Variants in LATS1 observed in about 807,000 individuals in gnomAD.
The protein encoded by LATS1 is serine/threonine-protein kinase LATS1.
Under a neutral mutation model 106.6 loss-of-function variants are expected in LATS1, and 25 were observed. The ratio of observed to expected loss-of-function variants is 0.23; its 90% CI spans 0.17 to 0.33. LATS1 has a LOEUF of 0.33. LATS1 is among the 10% of genes least tolerant of loss of function. The pLI, the probability that LATS1 is intolerant of heterozygous loss-of-function variation, is 1.00. For missense variants in LATS1, 1,040 were observed against 1,382.6 expected (o/e 0.75, Z 3.93); for synonymous variants, 465 against 455.6 (o/e 1.02, Z -0.26).
chr6:149,667,607 A>G (rs1781226665), intron 7 of LATS1, among the ~76,000 whole-genome samples: 2 of 152,202 alleles, frequency 1.3e-5, no homozygotes, highest in South Asian at 4.1e-4. Context: ...TTAACATCAC[A>G]AAAGAAAATG....
rs1780848183 is a variant in LATS1 at position 149,660,589 on chromosome 6, TA to T, written c.*1139del. ...CTACATGTATTTTGGTATGAAACCTTAATCTTCCTTAGAACCTAAGCGTTAT... is the reference window on the plus strand; with the variant it reads ...CTACATGTATTTTGGTATGAAACCTTATCTTCCTTAGAACCTAAGCGTTAT... On this transcript the variant is annotated 3_prime_UTR_variant, in exon 8 of 8. Coordinates refer to ENST00000543571, the MANE Select transcript of LATS1 (RefSeq NM_004690.4). The T allele has an allele frequency of 4.3e-6, 1 of 232,568 alleles. No individual in the cohort carries two copies. Among genetic ancestry groups the T allele is most frequent in the Non-Finnish European group, 8.5e-6 (1 of 117,732 alleles). The allele number at this position is 232,568 out of a possible 1,614,324, so 14.4% of individuals were successfully genotyped here.
intron 5 of LATS1, among the ~76,000 whole-genome samples, chr6:149,678,470 C>T (rs1476098824): frequency 3.3e-5 from 5 of 152,298 alleles, no homozygotes; most frequent in African/African-American, 9.6e-5. Flanking sequence ...GGTAATAATT[C>T]AGTCGAATCT....
intron 3 of LATS1, among the ~76,000 whole-genome samples, chr6:149,692,974 A>G (rs1782852629): frequency 6.6e-6 from 1 of 151,822 alleles, no homozygotes; most frequent in East Asian, 2.0e-4. Context: ...GCACCAGGAC[A>G]CAAAGACAGG....
chr6:149,664,932 T>C (rs1367717238), intron 7 of LATS1, among the ~76,000 whole-genome samples: 2 of 152,106 alleles, frequency 1.3e-5, no homozygotes, highest in African/African-American at 4.8e-5. Context: ...CACAGAGAGC[T>C]CTAGGAGAAT....
rs759031289 is a variant in LATS1, at chr6:149,717,969, G to A, written c.-261C>T. 3 of 363,420 alleles carry A rather than the reference G, an allele frequency of 8.3e-6. No homozygotes were observed. Among genetic ancestry groups the A allele is most frequent in the South Asian group, 3.7e-5 (2 of 54,156 alleles). The allele number at this position is 363,420 out of a possible 1,614,324, so 22.5% of individuals were successfully genotyped here. ...GGTGGGGCAGAGCGGGGAGACGAAC[G>A]GGGGGGCTGCCGCGGGCCAGCGCGG... is the stretch of plus-strand genomic sequence containing the variant. On this transcript the variant is annotated 5_prime_UTR_variant, in exon 1 of 8. Coordinates refer to ENST00000543571, the MANE Select transcript of LATS1 (RefSeq NM_004690.4).
At chr6:149,670,433 C>A (rs1781386776) in intron 7 of LATS1, among the ~76,000 whole-genome samples, 1 of 151,914 alleles carries the variant, frequency 6.6e-6, no homozygotes, top group Non-Finnish European at 1.5e-5. Context: ...ATACTTACAG[C>A]AGCCAGGAGA....
intron 3 of LATS1, among the ~76,000 whole-genome samples, chr6:149,688,077 G>A (rs1240864959): frequency 6.7e-5 from 10 of 149,654 alleles, no homozygotes; most frequent in Non-Finnish European, 1.5e-4. Flanking sequence ...GGGTTTCACC[G>A]TGTTAGCCAG....
chr6:149,665,665 G>A (rs1781106361), intron 7 of LATS1, among the ~76,000 whole-genome samples: 1 of 152,214 alleles, frequency 6.6e-6, no homozygotes, highest in African/African-American at 2.4e-5. Context: ...TAATCCTAAG[G>A]AGCATACCAA....
intron 1 of LATS1, among the ~76,000 whole-genome samples, chr6:149,713,944 G>C (rs1184127534): frequency 6.6e-6 from 1 of 151,802 alleles, no homozygotes; most frequent in Non-Finnish European, 1.5e-5. Context: ...ATATAGGCAT[G>C]AACCACTGCG....
At chr6:149,667,438 C>CAAAAAAAAAA (rs1189854950) in intron 7 of LATS1, among the ~76,000 whole-genome samples, 1 of 33,958 alleles carries the variant, frequency 2.9e-5, no homozygotes, top group Admixed American at 4.2e-4. Context: ...GACTGTATCT[C>CAAAAAAAAAA]AAAAAAAAAA....
intron 1 of LATS1, among the ~76,000 whole-genome samples, chr6:149,710,646 A>G (rs948383775): frequency 1.3e-5 from 2 of 152,204 alleles, no homozygotes; most frequent in African/African-American, 2.4e-5. Context: ...GAGGAAACAG[A>G]TACCGGAGGC....
At chr6:149,690,473 A>G (rs1267854092) in intron 3 of LATS1, among the ~76,000 whole-genome samples, 1 of 151,862 alleles carries the variant, frequency 6.6e-6, no homozygotes, top group African/African-American at 2.4e-5. Context: ...CCAGCCTCCC[A>G]AAGTGCTGGG....
intron 3 of LATS1, among the ~76,000 whole-genome samples, chr6:149,694,555 G>C (rs1348126906): frequency 6.6e-6 from 1 of 152,156 alleles, no homozygotes; most frequent in East Asian, 1.9e-4. Context: ...GGTATATTAA[G>C]TGAAAAAAGT....
At chr6:149,698,737 T>C (rs1208180809) in intron 2 of LATS1, among the ~76,000 whole-genome samples, 6 of 151,790 alleles carry the variant, frequency 4.0e-5, no homozygotes, top group Non-Finnish European at 8.8e-5. Flanking sequence ...TTTTTTCATA[T>C]ATTTTGTAGA....
intron 5 of LATS1, among the ~76,000 whole-genome samples, chr6:149,678,742 G>T (rs894106180): frequency 6.6e-6 from 1 of 152,074 alleles, no homozygotes; most frequent in Non-Finnish European, 1.5e-5. Flanking sequence ...AAATAACATG[G>T]GCCCTGAAAT....
At chr6:149,698,750 C>T (rs1182404786) in intron 2 of LATS1, among the ~76,000 whole-genome samples, 3 of 151,762 alleles carry the variant, frequency 2.0e-5, no homozygotes, top group South Asian at 4.2e-4. Flanking sequence ...TTTGTAGAGT[C>T]GGAGTTTCAC....
At chr6:149,665,190 C>T (rs1275677128) in intron 7 of LATS1, among the ~76,000 whole-genome samples, 5 of 151,984 alleles carry the variant, frequency 3.3e-5, no homozygotes, top group East Asian at 1.9e-4. Context: ...GGTGAAGCCC[C>T]GTCTCTATTA....
intron 4 of LATS1, among the ~76,000 whole-genome samples, chr6:149,681,383 C>T (rs1009804787): frequency 1.1e-4 from 17 of 152,218 alleles, no homozygotes; most frequent in Non-Finnish European, 2.1e-4. Flanking sequence ...TTAGGATTCA[C>T]ATTTGCATGC....
At position 149,674,785 on chromosome 6, in the gene LATS1, C is replaced by T. The variant is rs1235319102; in HGVS notation, c.2883+1475G>A. Among the ~76,000 whole-genome samples the T allele has an allele frequency of 2.6e-5, 4 of 151,898 alleles. No homozygotes were observed. The East Asian group carries it at 7.8e-4, about 29-fold the overall frequency. On this transcript the variant is annotated intron_variant, in intron 7 of 7. Coordinates refer to ENST00000543571, the MANE Select transcript of LATS1 (RefSeq NM_004690.4). ...ACAAAAAATACAAAAAAAAATGCAC[C>T]TGCGGTCCCATCTACCCAGGAGGCT...
Sources: gnomAD v4.1 joint callset for allele counts (sites outside exome capture counted in the v4.1 genomes callset) on GRCh38, gnomAD v4.1.1 for gene constraint, MANE v1.5 for transcripts, NCBI Gene and HGNC (gene_info 2026-07-23, HGNC 2026-07-21) for gene names.